UTS2B: variants seen among roughly 807,000 people sequenced by gnomAD.
The protein encoded by UTS2B is urotensin-2B.
UTS2B carries 21 observed loss-of-function variants against 19.2 expected under a neutral mutation model. That is an observed-to-expected ratio of 1.09 (90% CI 0.78 to 1.58). The LOEUF (loss-of-function observed/expected upper bound fraction) is 1.58, where lower values mean the gene tolerates loss of function less well. Ranked by LOEUF, UTS2B falls within the 40% of genes most tolerant of loss-of-function variation. The pLI is 0.00. For synonymous variants in UTS2B, 57 were observed against 50.2 expected (o/e 1.14, Z -0.58); for missense variants, 138 against 130.3 (o/e 1.06, Z -0.29).
At chr3:191,275,015 T>C (rs190627669) in intron 8 of UTS2B, among the ~76,000 whole-genome samples, 185 of 152,322 alleles carry the variant, frequency 1.2e-3, no homozygotes, top group African/African-American at 4.2e-3. Flanking sequence ...GTTTATACAA[T>C]AAGGACCTAT....
At chr3:191,282,841 A>G (rs1716427487) in intron 4 of UTS2B, among the ~76,000 whole-genome samples, 1 of 152,234 alleles carries the variant, frequency 6.6e-6, no homozygotes, top group Non-Finnish European at 1.5e-5. Context: ...TTTTGTTTCA[A>G]GCAGCTCTTT....
upstream of UTS2B, among the ~76,000 whole-genome samples, chr3:191,335,041 A>G (rs1054352040): frequency 2.6e-5 from 4 of 152,086 alleles, no homozygotes; most frequent in Non-Finnish European, 5.9e-5. Flanking sequence ...AAAGGTAGAA[A>G]CTCTAAAATT....
intron 3 of UTS2B, among the ~76,000 whole-genome samples, chr3:191,307,518 CA>C (rs1330280998): frequency 6.6e-6 from 1 of 152,190 alleles, no homozygotes; most frequent in Non-Finnish European, 1.5e-5. Flanking sequence ...CATGTATAAA[CA>C]GTCGATTGCC....
chr3:191,299,893 C>T (rs1716949412), intron 4 of UTS2B, among the ~76,000 whole-genome samples: 1 of 152,250 alleles, frequency 6.6e-6, no homozygotes, highest in African/African-American at 2.4e-5. Flanking sequence ...TGGGAACCCA[C>T]TCCTTGCATC....
intron 7 of UTS2B, 40 bp from the exon 8 acceptor site, chr3:191,275,385 A>G (rs988706154): frequency 1.3e-6 from 2 of 1,553,382 alleles, no homozygotes; most frequent in African/African-American, 1.4e-5. Context: ...GGTCTTCTAT[A>G]AAACCATGCT....
chr3:191,341,921 A>G, the UTS2B span, among the ~76,000 whole-genome samples: 2 of 152,150 alleles, frequency 1.3e-5, no homozygotes, highest in African/African-American at 2.4e-5. Flanking sequence ...AAGAAATATT[A>G]TTTTTATGTA....
intron 4 of UTS2B, among the ~76,000 whole-genome samples, chr3:191,292,021 A>G (rs1716734418): frequency 6.6e-6 from 1 of 152,134 alleles, no homozygotes; most frequent in Non-Finnish European, 1.5e-5. Flanking sequence ...GAAATTGGAA[A>G]GTGTGAGACT....
At chr3:191,335,734 C>T in the UTS2B span, among the ~76,000 whole-genome samples, 2 of 152,052 alleles carry the variant, frequency 1.3e-5, no homozygotes, top group African/African-American at 4.8e-5. Flanking sequence ...AGTGTATTAC[C>T]GGTCTTGTTT....
At chr3:191,340,538 A>G in the UTS2B span, among the ~76,000 whole-genome samples, 7 of 152,192 alleles carry the variant, frequency 4.6e-5, no homozygotes, top group African/African-American at 1.7e-4. Context: ...GTTTTCCTTC[A>G]TACCCTTCTT....
At position 191,267,742 on chromosome 3, in the gene UTS2B, T is replaced by C. The variant is rs1715975714; in HGVS notation, c.*674A>G. The C allele has an allele frequency of 6.6e-6, 1 of 152,074 alleles. No homozygotes were observed. The highest frequency in any genetic ancestry group is 1.5e-5 in the Non-Finnish European group (1 of 68,014). 9.4% of individuals were successfully genotyped at this position (152,074 alleles called of 1,614,324 possible). A position where few individuals can be genotyped will look rare whatever the true frequency, so the allele number is the denominator to read the frequency against. ...ATGAAGTAATTCTTTAACATAACATTTGTATGTAGAAGTACAGTACATTTG... is the reference window on the plus strand; with the variant it reads ...ATGAAGTAATTCTTTAACATAACATCTGTATGTAGAAGTACAGTACATTTG... On this transcript the variant is annotated 3_prime_UTR_variant, in exon 9 of 9. Transcript: ENST00000340524.
chr3:191,343,776 A>C, the UTS2B span, among the ~76,000 whole-genome samples: 1 of 152,218 alleles, frequency 6.6e-6, no homozygotes, highest in Admixed American at 6.5e-5. Flanking sequence ...AGGGTACTTC[A>C]GTAAGTGCTT....
chr3:191,325,749 C>A (rs1717729733), intron 2 of UTS2B, among the ~76,000 whole-genome samples: 1 of 152,180 alleles, frequency 6.6e-6, no homozygotes, highest in Admixed American at 6.5e-5. Flanking sequence ...AGAGGGACTG[C>A]ACTGCAGACA....
chr3:191,282,025 T>C (rs1716400374), intron 5 of UTS2B, 62 bp downstream of exon 5: 2 of 1,214,698 alleles, frequency 1.6e-6, no homozygotes, highest in Non-Finnish European at 2.4e-6. Context: ...ATCAAATTTG[T>C]TCAAATAGAA....
At chr3:191,278,225 T>G (rs1323250066) in intron 5 of UTS2B, 55 bp from the exon 6 acceptor site, 1 of 965,050 alleles carries the variant, frequency 1.0e-6, no homozygotes, top group East Asian at 2.8e-5. Context: ...ATATTTCTAA[T>G]TAAATTGGTC....
At chr3:191,298,046 T>C (rs938889483) in intron 4 of UTS2B, among the ~76,000 whole-genome samples, 2 of 152,222 alleles carry the variant, frequency 1.3e-5, no homozygotes, top group Non-Finnish European at 2.9e-5. Context: ...TTGAACACTC[T>C]GTGGCAATAT....
At position 191,276,853 on chromosome 3, in the gene UTS2B, C is replaced by T; in HGVS notation, c.203-9G>A. On this transcript the variant is annotated splice_polypyrimidine_tract_variant and intron_variant, in intron 6 of 8. Transcript: ENST00000340524. The stretch of plus-strand genomic sequence containing the variant: ...GTTAGGTAAGGCTAGGTCTGCAAGA[C>T]ACATTTGTCACATGAAAAAACGTAC... The T allele has an allele frequency of 1.9e-6, 3 of 1,609,210 alleles. No homozygotes were observed. The highest frequency in any genetic ancestry group is 1.1e-5 in the South Asian group (1 of 90,286).
chr3:191,321,105 A>G (rs1717599881), intron 2 of UTS2B, among the ~76,000 whole-genome samples: 1 of 152,194 alleles, frequency 6.6e-6, no homozygotes, highest in South Asian at 2.1e-4. Flanking sequence ...GAACTGGAGT[A>G]TTGTCTGAAT....
intron 4 of UTS2B, among the ~76,000 whole-genome samples, chr3:191,301,814 A>G (rs6796119): frequency 0.59 from 90,431 of 152,064 alleles, 27,622 homozygotes; most frequent in Middle Eastern, 0.68. Context: ...TAATACATCT[A>G]TGGAAACCCT....
chr3:191,282,181 C>T lies in UTS2B; in HGVS notation c.9G>A (p.Lys3=). The T allele has an allele frequency of 6.2e-7, 1 of 1,609,458 alleles. No individual in the cohort carries two copies. The highest frequency in any genetic ancestry group is 8.5e-7 in the Non-Finnish European group (1 of 1,178,196). MN[K]ILSSTVCFGL... The stretch of plus-strand genomic sequence containing the variant: ...CAAAGCAAACAGTGCTTGAGAGGAT[C>T]TTGTTCATGTTAAAAAAAACCTTCT... The change falls in exon 5 of 9, where the codon AAG becomes AAA. Residue 3 remains lysine (K), a synonymous_variant. Coordinates refer to ENST00000340524, the MANE Select transcript of UTS2B (RefSeq NM_198152.5).
Sources: gnomAD v4.1 joint callset for allele counts (sites outside exome capture counted in the v4.1 genomes callset) on GRCh38, gnomAD v4.1.1 for gene constraint, MANE v1.5 for transcripts, NCBI Gene and HGNC (gene_info 2026-07-23, HGNC 2026-07-21) for gene names.